Variants in CMSS1 observed in about 807,000 individuals in gnomAD.
CMSS1 encodes the protein protein CMSS1.
A neutral mutation model predicts 43.5 loss-of-function variants in CMSS1; 33 were observed. The ratio of observed to expected loss-of-function variants is 0.76; its 90% CI spans 0.57 to 1.01. CMSS1 has a LOEUF of 1.01. Ranked by LOEUF, CMSS1 falls within the 50% of genes least tolerant of loss-of-function variation. The probability of loss-of-function intolerance (pLI) is 0.00; values close to 1 mark genes in which losing one functional copy is unlikely to be tolerated. For synonymous variants in CMSS1, 115 were observed against 117.2 expected, an observed-to-expected ratio of 0.98 and a Z score of 0.12; for missense variants, 313 against 326.4, an observed-to-expected ratio of 0.96 and a Z score of 0.32.
At chr3:99,868,087 T>C (rs1944610131) in intron 1 of CMSS1, among the ~76,000 whole-genome samples, 1 of 152,292 alleles carries the variant, frequency 6.6e-6, no homozygotes, top group South Asian at 2.1e-4. Context: ...TGTGGGTGCA[T>C]GGTAAAACAG....
At chr3:100,149,654 C>T (rs1237125412) in intron 2 of CMSS1, among the ~76,000 whole-genome samples, 2 of 152,128 alleles carry the variant, frequency 1.3e-5, no homozygotes, top group Non-Finnish European at 1.5e-5. Context: ...TGCATGTGCT[C>T]CTCTGCCTCA....
At chr3:100,166,917 T>A (rs967423938) in intron 5 of CMSS1, among the ~76,000 whole-genome samples, 16 of 151,922 alleles carry the variant, frequency 1.1e-4, no homozygotes, top group Admixed American at 2.6e-4. Flanking sequence ...TTTTTTTTTT[T>A]AATTATTTTT....
At chr3:100,044,464 A>G (rs1276295551) in intron 1 of CMSS1, among the ~76,000 whole-genome samples, 2 of 152,224 alleles carry the variant, frequency 1.3e-5, no homozygotes, top group Non-Finnish European at 2.9e-5. Context: ...CAAACAGAGT[A>G]TACAAGAGCA....
At chr3:99,878,837 G>A (rs1487118876) in intron 1 of CMSS1, among the ~76,000 whole-genome samples, 1 of 152,164 alleles carries the variant, frequency 6.6e-6, no homozygotes, top group Non-Finnish European at 1.5e-5. Flanking sequence ...TGCGCCATTG[G>A]CCACATAAGT....
chr3:99,853,477 A>C (rs908224867), intron 1 of CMSS1, among the ~76,000 whole-genome samples: 4 of 152,250 alleles, frequency 2.6e-5, no homozygotes, highest in Non-Finnish European at 5.9e-5. Flanking sequence ...TATAATTAAA[A>C]GAGTATTAAA....
intron 9 of CMSS1, among the ~76,000 whole-genome samples, chr3:100,178,042 C>G (rs918285686): frequency 6.6e-6 from 1 of 152,138 alleles, no homozygotes; most frequent in Non-Finnish European, 1.5e-5. Flanking sequence ...TCACTTGAAC[C>G]TGGGAAGCAG....
At chr3:100,167,427 C>T (rs1427798969) in intron 5 of CMSS1, among the ~76,000 whole-genome samples, 1 of 152,122 alleles carries the variant, frequency 6.6e-6, no homozygotes, top group Non-Finnish European at 1.5e-5. Flanking sequence ...CCTATTTAAT[C>T]AACATTGTCT....
chr3:99,925,067 G>A (rs1707248930), intron 1 of CMSS1, among the ~76,000 whole-genome samples: 1 of 152,086 alleles, frequency 6.6e-6, no homozygotes, highest in Non-Finnish European at 1.5e-5. Context: ...TGCTGGATTC[G>A]CAGCTGCCCT....
intron 1 of CMSS1, among the ~76,000 whole-genome samples, chr3:99,982,852 T>C (rs1709168716): frequency 6.6e-6 from 1 of 152,140 alleles, no homozygotes; most frequent in African/African-American, 2.4e-5. Context: ...TATGCAGCAA[T>C]AAAAAATAAA....
At chr3:99,955,904 C>CAT (rs1708306878) in intron 1 of CMSS1, among the ~76,000 whole-genome samples, 1 of 152,136 alleles carries the variant, frequency 6.6e-6, no homozygotes, top group African/African-American at 2.4e-5. Context: ...TCTGTTCTCC[C>CAT]ATATAACCTA....
At chr3:100,121,433 T>C (rs1477315218) in intron 1 of CMSS1, among the ~76,000 whole-genome samples, 2 of 152,202 alleles carry the variant, frequency 1.3e-5, no homozygotes, top group Admixed American at 6.5e-5. Context: ...TCCTTTTTTA[T>C]GGCTGCATAG....
rs56019776 is a variant in CMSS1, at chr3:99,951,586, G to A, written c.64+133543G>A. ...AGTAGACTAAGAAAGATGAGAAATA[G>A]TGATGAAGCAAGTGTTTTTGTACCA... On this transcript the variant is annotated intron_variant, in intron 1 of 9. Transcript: ENST00000421999. 3.1e-3 allele frequency among the ~76,000 whole-genome samples: 472 copies of A among 152,236 alleles called. 1 individual carries two copies. Among genetic ancestry groups the A allele is most frequent in the Non-Finnish European group, 5.1e-3 (344 of 68,014 alleles).
At chr3:99,945,746 G>T (rs1408653646) in intron 1 of CMSS1, among the ~76,000 whole-genome samples, 1 of 152,186 alleles carries the variant, frequency 6.6e-6, no homozygotes, top group East Asian at 1.9e-4. Flanking sequence ...GGGGTTGGGG[G>T]CTGGCAGCCT....
At chr3:99,990,042 T>C (rs1159559354) in intron 1 of CMSS1, among the ~76,000 whole-genome samples, 1 of 152,214 alleles carries the variant, frequency 6.6e-6, no homozygotes, top group Non-Finnish European at 1.5e-5. Context: ...TCCCATAAAA[T>C]GACTATTTTT....
intron 1 of CMSS1, among the ~76,000 whole-genome samples, chr3:99,942,569 C>T (rs1009705603): frequency 2.0e-5 from 3 of 152,332 alleles, no homozygotes; most frequent in East Asian, 3.9e-4. Flanking sequence ...CCGTGGCTCA[C>T]GCCTGTAATC....
Position 99,970,424 on chromosome 3 carries a change from G to A in CMSS1, c.64+152381G>A, listed in dbSNP as rs1708779308. Reference sequence around the variant, plus strand: ...TAAATGCTGTAAAGGAAATGAATGTGGTTCACTAGTCAGTTTTGAAGTCTC... The same window carrying A: ...TAAATGCTGTAAAGGAAATGAATGTAGTTCACTAGTCAGTTTTGAAGTCTC... On this transcript the variant is annotated intron_variant, in intron 1 of 9. Transcript: ENST00000421999. 2.0e-5 allele frequency among the ~76,000 whole-genome samples: 3 copies of A among 152,324 alleles called. No individual in the cohort carries two copies. In the South Asian group the frequency reaches 6.2e-4, roughly 32 times the overall value.
At chr3:100,014,887 C>CTTTTTTTTTTTTTTTTTTT (rs1559725867) in intron 1 of CMSS1, among the ~76,000 whole-genome samples, 11 of 32,460 alleles carry the variant, frequency 3.4e-4, no homozygotes, top group Admixed American at 3.8e-4. Context: ...TTTTTTTTTT[C>CTTTTTTTTTTTTTTTTTTT]TTTCTTTCTT....
At chr3:100,039,495 AT>A (rs1020535404) in intron 1 of CMSS1, among the ~76,000 whole-genome samples, 1 of 152,190 alleles carries the variant, frequency 6.6e-6, no homozygotes, top group Non-Finnish European at 1.5e-5. Context: ...AGTAAAATTT[AT>A]TTCAAATTAG....
chr3:100,124,900 C>G (rs959511898), intron 1 of CMSS1, among the ~76,000 whole-genome samples: 1 of 122,030 alleles, frequency 8.2e-6, no homozygotes. Context: ...CTCTCAGATC[C>G]CCGTTTTCAG....
Sources: gnomAD v4.1 joint callset for allele counts (sites outside exome capture counted in the v4.1 genomes callset) on GRCh38, gnomAD v4.1.1 for gene constraint, MANE v1.5 for transcripts, NCBI Gene and HGNC (gene_info 2026-07-23, HGNC 2026-07-21) for gene names.